Variants in RBM25 observed in about 807,000 individuals in gnomAD.
RBM25 encodes RNA binding motif protein 25.
In RBM25, 19 loss-of-function variants were observed where a neutral mutation model predicts 120.7. That is an observed-to-expected ratio of 0.16 (90% confidence interval 0.11 to 0.23). RBM25 has a LOEUF of 0.23. Ranked by LOEUF, RBM25 falls within the 10% of genes least tolerant of loss-of-function variation. RBM25 has a pLI of 1.00. For synonymous variants in RBM25, 390 were observed against 326.7 expected (o/e 1.19, Z -2.09); for missense variants, 605 against 1,041.5 (o/e 0.58, Z 5.77).
At chr14:73,075,516 A>G (rs1218087313) in intron 2 of RBM25, among the ~76,000 whole-genome samples, 4 of 152,156 alleles carry the variant, frequency 2.6e-5, no homozygotes, top group African/African-American at 9.7e-5. Context: ...TTAGATTTAC[A>G]CATAAATTTC....
chr14:73,073,975 G>T (rs1309071065), intron 2 of RBM25, among the ~76,000 whole-genome samples: 1 of 152,136 alleles, frequency 6.6e-6, no homozygotes, highest in Non-Finnish European at 1.5e-5. Context: ...GGCTCTAGCT[G>T]GCCCTTTGGA....
chr14:73,080,905 A>T (rs142966409), intron 4 of RBM25, among the ~76,000 whole-genome samples: 1 of 150,132 alleles, frequency 6.7e-6, no homozygotes, highest in South Asian at 2.1e-4. Context: ...GCTCACTGCA[A>T]CCTCGCCATC....
intron 1 of RBM25, among the ~76,000 whole-genome samples, chr14:73,059,665 G>T (rs1444653303): frequency 6.6e-6 from 1 of 152,170 alleles, no homozygotes; most frequent in Non-Finnish European, 1.5e-5. Flanking sequence ...TTTTTGTATA[G>T]TCTTTGGAGC....
chr14:73,099,596 C>T (rs1359262928), intron 8 of RBM25, 71 bp from the exon 9 acceptor site: 6 of 1,585,336 alleles, frequency 3.8e-6, no homozygotes, highest in East Asian at 2.2e-5. Context: ...TACAGAATAT[C>T]TAACCTTTAA....
chr14:73,114,128 G>C (rs1055053133), intron 17 of RBM25, among the ~76,000 whole-genome samples, 158 bp from the exon 18 acceptor site: 3 of 151,644 alleles, frequency 2.0e-5, no homozygotes, highest in Non-Finnish European at 2.9e-5. Flanking sequence ...TGCCTCTTTC[G>C]TTGAAGAATG....
chr14:73,068,119 C>T, intron 1 of RBM25: 1 of 745,392 alleles, frequency 1.3e-6, no homozygotes, highest in Non-Finnish European at 2.3e-6. Flanking sequence ...CGTTCACAGA[C>T]AGAACTGGAA....
intron 6 of RBM25, among the ~76,000 whole-genome samples, chr14:73,091,709 T>TAA (rs35127937): frequency 2.7e-5 from 4 of 148,912 alleles, no homozygotes; most frequent in South Asian, 2.1e-4. Flanking sequence ...CCATCTCTAC[T>TAA]AAAAAAAAAA....
At chr14:73,075,980 T>A in intron 2 of RBM25, among the ~76,000 whole-genome samples, 1 of 152,262 alleles carries the variant, frequency 6.6e-6, no homozygotes, top group South Asian at 2.1e-4. Flanking sequence ...AATAGCATTG[T>A]TCACCTATAA....
chr14:73,075,785 G>A (rs955136632), intron 2 of RBM25, among the ~76,000 whole-genome samples: 9 of 151,306 alleles, frequency 5.9e-5, no homozygotes, highest in East Asian at 1.9e-4. Context: ...GTTGCACGAC[G>A]TGTTTTACCT....
intron 18 of RBM25, among the ~76,000 whole-genome samples, chr14:73,116,083 T>TA (rs1896421394): frequency 6.6e-6 from 1 of 152,064 alleles, no homozygotes; most frequent in Non-Finnish European, 1.5e-5. Flanking sequence ...TTTTTTTTTT[T>TA]ACCAAGAAAG....
chr14:73,109,301 T>G (rs1180015093), intron 13 of RBM25, 41 bp from the exon 14 acceptor site: 4 of 1,585,802 alleles, frequency 2.5e-6, no homozygotes, highest in Non-Finnish European at 3.4e-6. Flanking sequence ...TTCTCAATGA[T>G]CGGAGTATTA....
At chr14:73,106,628 A>G (rs1896194113) in intron 12 of RBM25, among the ~76,000 whole-genome samples, 1 of 152,166 alleles carries the variant, frequency 6.6e-6, no homozygotes, top group Non-Finnish European at 1.5e-5. Context: ...TGCATTTGAA[A>G]TTCCGTAAGT....
At chr14:73,082,528 C>T (rs1434991623) in intron 4 of RBM25, among the ~76,000 whole-genome samples, 1 of 152,078 alleles carries the variant, frequency 6.6e-6, no homozygotes, top group African/African-American at 2.4e-5. Context: ...TGGGCTCAAG[C>T]AATCCTTCCA....
At chr14:73,115,502 A>G (rs981149299) in intron 18 of RBM25, among the ~76,000 whole-genome samples, 2 of 152,108 alleles carry the variant, frequency 1.3e-5, no homozygotes, top group Admixed American at 1.3e-4. Flanking sequence ...AAAGGACACT[A>G]TTTCGTTTTT....
At chr14:73,078,163 C>T (rs1348592992) in intron 4 of RBM25, among the ~76,000 whole-genome samples, 1 of 151,940 alleles carries the variant, frequency 6.6e-6, no homozygotes, top group African/African-American at 2.4e-5. Context: ...ATTAGCCAGG[C>T]GTGGTGGCGT....
intron 13 of RBM25, among the ~76,000 whole-genome samples, chr14:73,108,673 A>G (rs1373172318): frequency 1.3e-5 from 2 of 152,232 alleles, no homozygotes; most frequent in South Asian, 2.1e-4. Flanking sequence ...ACATGATACA[A>G]TCATAGTGAA....
chr14:73,105,151 G>A (rs1435288919), intron 10 of RBM25, among the ~76,000 whole-genome samples: 2 of 104,292 alleles, frequency 1.9e-5, no homozygotes, highest in South Asian at 2.7e-4. Flanking sequence ...TTTTGGAGAC[G>A]GGCTGGAGTG....
chr14:73,105,641 G>A (rs1896169833), intron 10 of RBM25, among the ~76,000 whole-genome samples: 1 of 152,092 alleles, frequency 6.6e-6, no homozygotes, highest in Non-Finnish European at 1.5e-5. Context: ...TGACATACCA[G>A]TAAGCATTAG....
chr14:73,079,881 G>T (rs1020981489), intron 4 of RBM25, among the ~76,000 whole-genome samples: 1 of 150,332 alleles, frequency 6.7e-6, no homozygotes, highest in South Asian at 2.1e-4. Context: ...TTTCTCCTGG[G>T]CTTCTTTTCA....
Sources: allele counts gnomAD v4.1 joint callset (sites outside exome capture counted in the v4.1 genomes callset), GRCh38; gene constraint gnomAD v4.1.1; transcripts MANE v1.5; gene names NCBI Gene and HGNC (gene_info 2026-07-23, HGNC 2026-07-21).